RANBP17: variants seen among roughly 807,000 people sequenced by gnomAD.
The protein encoded by RANBP17 is ran-binding protein 17.
Under a neutral mutation model 141.2 loss-of-function variants are expected in RANBP17, and 158 were observed. The observed-to-expected ratio is 1.12, with a 90% CI of 0.98 to 1.28. The LOEUF (loss-of-function observed/expected upper bound fraction) is 1.28, where lower values mean the gene tolerates loss of function less well. RANBP17 is among the 50% of genes most tolerant of loss of function. The pLI, the probability that RANBP17 is intolerant of heterozygous loss-of-function variation, is 0.00. For missense variants in RANBP17, 1,438 were observed against 1,290.7 expected (o/e 1.11, Z -1.75); for synonymous variants, 430 against 450.0 (o/e 0.96, Z 0.56).
chr5:170,995,482 T>TTCCTAG (rs1178962419), intron 14 of RANBP17, among the ~76,000 whole-genome samples: 1 of 152,170 alleles, frequency 6.6e-6, no homozygotes, highest in East Asian at 1.9e-4. Context: ...AATATTCCTA[T>TTCCTAG]CTGTTGACAC....
intron 14 of RANBP17, among the ~76,000 whole-genome samples, chr5:171,144,691 G>A (rs1050196838): frequency 2.0e-5 from 3 of 152,180 alleles, no homozygotes; most frequent in African/African-American, 7.2e-5. Context: ...AGATTTGGAG[G>A]ACCTTTTAAA....
chr5:171,211,218 A>G (rs1165629257), intron 20 of RANBP17, among the ~76,000 whole-genome samples: 2 of 151,854 alleles, frequency 1.3e-5, no homozygotes, highest in African/African-American at 2.4e-5. Context: ...TTATTCTCAC[A>G]TATACACTCT....
chr5:170,942,573 G>A (rs1378959634), intron 12 of RANBP17, among the ~76,000 whole-genome samples: 2 of 151,638 alleles, frequency 1.3e-5, no homozygotes, highest in Non-Finnish European at 2.9e-5. Context: ...GTATATGTGA[G>A]GAAGCTTTAA....
intron 25 of RANBP17, among the ~76,000 whole-genome samples, chr5:171,278,036 C>A (rs1767643700): frequency 1.4e-5 from 2 of 145,042 alleles, no homozygotes; most frequent in Non-Finnish European, 3.0e-5. Flanking sequence ...TGAGTCGTTC[C>A]TCCCTAGATT....
chr5:171,271,911 C>T (rs1767140085), intron 25 of RANBP17, among the ~76,000 whole-genome samples: 1 of 152,100 alleles, frequency 6.6e-6, no homozygotes, highest in Non-Finnish European at 1.5e-5. Context: ...AATGTAAGTG[C>T]TTCTATTCAC....
At chr5:170,880,566 GAT>G (rs1768574777) in intron 2 of RANBP17, among the ~76,000 whole-genome samples, 1 of 152,144 alleles carries the variant, frequency 6.6e-6, no homozygotes, top group Non-Finnish European at 1.5e-5. Context: ...ACTATGATGA[GAT>G]ATCCAATTTT....
intron 22 of RANBP17, among the ~76,000 whole-genome samples, chr5:171,235,292 AGTAAG>A (rs567437210): frequency 7.9e-4 from 120 of 151,998 alleles, no homozygotes; most frequent in African/African-American, 2.8e-3. Flanking sequence ...TAGCAGGGGA[AGTAAG>A]GCCAAGAGAA....
intron 14 of RANBP17, among the ~76,000 whole-genome samples, chr5:171,128,760 CAT>C (rs1756683327): frequency 6.6e-6 from 1 of 151,890 alleles, no homozygotes; most frequent in African/African-American, 2.4e-5. Context: ...ATCAAAATAT[CAT>C]GTGTACCTCA....
chr5:171,001,407 G>T (rs1005190189), intron 14 of RANBP17, among the ~76,000 whole-genome samples: 2 of 152,154 alleles, frequency 1.3e-5, no homozygotes, highest in Admixed American at 6.5e-5. Flanking sequence ...ATTAGAGAGC[G>T]TCCAAGGGGG....
At chr5:171,182,358 A>G (rs894799344) in intron 16 of RANBP17, among the ~76,000 whole-genome samples, 1 of 152,168 alleles carries the variant, frequency 6.6e-6, no homozygotes, top group African/African-American at 2.4e-5. Flanking sequence ...TAGTCCTTGT[A>G]TTCATGTTTC....
At chr5:171,072,453 A>G (rs75329731) in intron 14 of RANBP17, among the ~76,000 whole-genome samples, 1 of 147,606 alleles carries the variant, frequency 6.8e-6, no homozygotes, top group Admixed American at 6.8e-5. Context: ...AAGCTAATTG[A>G]AAAAAAAAAA....
chr5:170,896,264 T>C, intron 5 of RANBP17, 149 bp downstream of exon 5: 1 of 586,354 alleles, frequency 1.7e-6, no homozygotes. Flanking sequence ...ATCTGTTTTA[T>C]TGATGGGCTA....
intron 16 of RANBP17, among the ~76,000 whole-genome samples, chr5:171,171,642 C>CT (rs919539335): frequency 2.0e-5 from 3 of 151,768 alleles, no homozygotes; most frequent in Non-Finnish European, 4.4e-5. Context: ...AAGTATGTAA[C>CT]TTAATTTTAA....
chr5:170,920,238 G>C (rs944451224), intron 11 of RANBP17, among the ~76,000 whole-genome samples: 1 of 152,062 alleles, frequency 6.6e-6, no homozygotes, highest in African/African-American at 2.4e-5. Flanking sequence ...AAAAGCTGCC[G>C]AACTATTTTC....
intron 25 of RANBP17, among the ~76,000 whole-genome samples, chr5:171,274,189 T>A (rs1767354225): frequency 6.6e-6 from 1 of 150,394 alleles, no homozygotes. Context: ...CTACTGAGGA[T>A]CAAAATAAAA....
At chr5:171,164,688 A>C (rs1049572158) in intron 14 of RANBP17, among the ~76,000 whole-genome samples, 2 of 152,228 alleles carry the variant, frequency 1.3e-5, no homozygotes, top group African/African-American at 4.8e-5. Flanking sequence ...ATAATTCCTT[A>C]CATTTCTAAT....
intron 14 of RANBP17, among the ~76,000 whole-genome samples, chr5:171,002,352 T>A (rs1779272454): frequency 6.6e-6 from 1 of 152,132 alleles, no homozygotes; most frequent in Non-Finnish European, 1.5e-5. Context: ...GAATGCTAGC[T>A]GCTTCTTTAG....
intron 14 of RANBP17, among the ~76,000 whole-genome samples, chr5:171,001,906 A>G (rs1195496296): frequency 1.3e-5 from 2 of 152,146 alleles, no homozygotes; most frequent in Non-Finnish European, 2.9e-5. Context: ...CCATCCAGTG[A>G]AAGCATCTAC....
At chr5:170,922,949 T>C (rs1363604989) in intron 11 of RANBP17, among the ~76,000 whole-genome samples, 1 of 152,188 alleles carries the variant, frequency 6.6e-6, no homozygotes, top group Non-Finnish European at 1.5e-5. Context: ...TTGGCCATCT[T>C]GGAAGCCCTC....
Sources: allele counts gnomAD v4.1 joint callset (sites outside exome capture counted in the v4.1 genomes callset), GRCh38; gene constraint gnomAD v4.1.1; transcripts MANE v1.5; gene names NCBI Gene and HGNC (gene_info 2026-07-23, HGNC 2026-07-21).